ZNF219: variants seen among roughly 807,000 people sequenced by gnomAD.
ZNF219 encodes zinc finger protein 219.
ZNF219 carries 17 observed loss-of-function variants against 54.4 expected under a neutral mutation model. That is an observed-to-expected ratio of 0.31 (90% CI 0.21 to 0.47). The LOEUF is 0.47. Among genes scored for constraint, ZNF219 ranks in the 20% least tolerant of loss-of-function variants. The probability of loss-of-function intolerance (pLI) is 1.00; values close to 1 mark genes in which losing one functional copy is unlikely to be tolerated. For missense variants in ZNF219, 1,014 were observed against 1,062.3 expected, an observed-to-expected ratio of 0.95 and a Z score of 0.63; for synonymous variants, 518 against 476.4, an observed-to-expected ratio of 1.09 and a Z score of -1.14.
Position 21,092,654 on chromosome 14 carries a change from G to C in ZNF219, c.643C>G (p.Pro215Ala). 1 of 1,567,444 alleles carries C rather than the reference G, an allele frequency of 6.4e-7. No homozygotes were observed. Among genetic ancestry groups the C allele is most frequent in the Non-Finnish European group, 8.6e-7 (1 of 1,158,896 alleles). The part of the protein sequence containing the change: ...LHHSLTAHGA[P>A]ERPLAATSAA... The stretch of plus-strand genomic sequence containing the variant: ...GAGGTGGCCGCCAGGGGACGCTCGG[G>C]AGCCCCGTGGGCCGTCAGGCTGTGG... The change falls in exon 3 of 5, where the codon CCC becomes GCC. Residue 215 changes from proline (P) to alanine (A), a missense_variant. This residue lies in a region of ZNF219 where 395 missense variants were observed against 415.1 expected (regional missense o/e 0.95). Transcript: ENST00000360947.
In ZNF219 at chr14:21,092,169, C is replaced by T. The variant is rs1888958182; in HGVS notation, c.1128G>A (p.Pro376=). The T allele has an allele frequency of 2.8e-6, 4 of 1,448,366 alleles. No individual in the cohort carries two copies. Among genetic ancestry groups the T allele is most frequent in the Non-Finnish European group, 3.6e-6 (4 of 1,106,818 alleles). 89.7% of individuals were successfully genotyped at this position (1,448,366 alleles called of 1,614,324 possible). A position where few individuals can be genotyped will look rare whatever the true frequency, so the allele number is the denominator to read the frequency against. The stretch of plus-strand genomic sequence containing the variant: ...GCAGGCTCAGGTAGCCCAAGAGGCT[C>T]GGGGGCTCACGGCGCTCGGCCGGGG... ...APTPAERREP[P]SLLGYLSLRA... is the part of the protein sequence containing the mutation. Residue 376 remains proline (P), a synonymous_variant, in exon 3 of 5, where the codon CCG becomes CCA. Coordinates refer to ENST00000360947, the MANE Select transcript of ZNF219 (RefSeq NM_016423.3).
chr14:21,091,573 G>C, intron 3 of ZNF219, 31 bp from the exon 4 acceptor site: 1 of 1,580,260 alleles, frequency 6.3e-7, no homozygotes, highest in South Asian at 1.1e-5. Flanking sequence ...GGAAGTCAGG[G>C]GGGCCCACAC....
At position 21,093,630 on chromosome 14, in the gene ZNF219, G is replaced by C; in HGVS notation, c.-39C>G. 1 of 1,614,156 alleles carries C rather than the reference G, an allele frequency of 6.2e-7. No individual in the cohort carries two copies. Among genetic ancestry groups the C allele is most frequent in the Non-Finnish European group, 8.5e-7 (1 of 1,180,022 alleles). On this transcript the variant is annotated 5_prime_UTR_variant, in exon 2 of 5. Coordinates refer to ENST00000360947, the MANE Select transcript of ZNF219 (RefSeq NM_016423.3). ...ATTCTTTGGTTCTGGGAAGTGCAGG[G>C]AAGAGGAGGAAAAGCTGCTAATGAA...
chr14:21,101,502 A>C, upstream of ZNF219: 2 of 1,469,910 alleles, frequency 1.4e-6, no homozygotes, highest in Non-Finnish European at 1.9e-6. Flanking sequence ...CTTCTACCCA[A>C]TTCAATTCCA....
At chr14:21,094,331 G>A in intron 1 of ZNF219, 1 of 454,866 alleles carries the variant, frequency 2.2e-6, no homozygotes, top group Non-Finnish European at 4.4e-6. Flanking sequence ...GAGAGTTGGG[G>A]GAGGAGTGGA....
At chr14:21,103,450 C>T, upstream of ZNF219, 1 of 914,842 alleles carries the variant, frequency 1.1e-6, no homozygotes, top group East Asian at 2.8e-5. Flanking sequence ...CCCTGAAAAG[C>T]TGCTTTCTCC....
chr14:21,100,212 A>G (rs1173175545), upstream of ZNF219, among the ~76,000 whole-genome samples: 1 of 152,078 alleles, frequency 6.6e-6, no homozygotes, highest in African/African-American at 2.4e-5. Flanking sequence ...CAAAAAATTT[A>G]AAAATTAGCC....
At position 21,093,108 on chromosome 14, in the gene ZNF219, C is replaced by T. The variant is rs757778184; in HGVS notation, c.189G>A (p.Gly63=). 8 of 1,608,812 alleles carry T rather than the reference C, an allele frequency of 5.0e-6. No individual in the cohort carries two copies. The highest frequency in any genetic ancestry group is 5.9e-6 in the Non-Finnish European group (7 of 1,178,754). The part of the protein sequence containing the change: ...GERRFPCPVC[G]KRFRFNSILA... ...GGATAGAGTTGAAGCGGAAGCGCTT[C>T]CCGCATACAGGGCAGGGGAAGCGCC... The change falls in exon 3 of 5, where the codon GGG becomes GGA. Residue 63 remains glycine, a synonymous_variant. Transcript: ENST00000360947.
chr14:21,095,320 A>G (rs979698559), intron 1 of ZNF219, among the ~76,000 whole-genome samples: 1 of 152,232 alleles, frequency 6.6e-6, no homozygotes, highest in Non-Finnish European at 1.5e-5. Context: ...CATCCTCTGG[A>G]TCCTTTCCTG....
Position 21,091,065 on chromosome 14 carries a change from C to T in ZNF219, c.1640G>A (p.Arg547His), listed in dbSNP as rs1341434607. 2.6e-6 allele frequency: 4 copies of T among 1,565,512 alleles called. No individual in the cohort carries two copies. Among genetic ancestry groups the T allele is most frequent in the East Asian group, 2.4e-5 (1 of 42,550 alleles). Reference sequence around the variant, plus strand: ...CCCGCTCCTCTGCTCCCGGTGGTGGCGCTGTAGGTGATACTTGAGCGAGCC... The same window carrying T: ...CCCGCTCCTCTGCTCCCGGTGGTGGTGCTGTAGGTGATACTTGAGCGAGCC... ...QSGSLKYHLQ[R>H]HHREQRSGAG... The change falls in exon 5 of 5, where the codon CGC becomes CAC. Residue 547 changes from arginine (R) to histidine (H), a missense_variant. Physicochemically the swap from Arg to His is conservative, Grantham distance 29. Around this residue, in one of 5 missense-constraint regions of ZNF219, gnomAD observed 281 missense variants for 271.2 expected, o/e 1.04. Transcript: ENST00000360947.
intron 1 of ZNF219, among the ~76,000 whole-genome samples, chr14:21,094,731 G>T (rs1046009615): frequency 2.4e-5 from 2 of 82,504 alleles, no homozygotes; most frequent in Non-Finnish European, 2.7e-5. Flanking sequence ...GGGGTTGGGG[G>T]GGGGGGCGGG....
chr14:21,093,593 G>C lies in ZNF219; in HGVS notation c.-2C>G, dbSNP rs764659972. ...AGCCAGAGCTTCACTCACCTCCATG[G>C]ACCCCCTTCACATTCTTTGGTTCTG... On this transcript the variant is annotated 5_prime_UTR_variant, in exon 2 of 5. Transcript: ENST00000360947. 1.2e-6 allele frequency: 2 copies of C among 1,614,100 alleles called. No homozygotes were observed. The highest frequency in any genetic ancestry group is 1.7e-6 in the Non-Finnish European group (2 of 1,179,968).
upstream of ZNF219, chr14:21,102,729 A>G (rs765876910): frequency 2.8e-4 from 428 of 1,551,320 alleles, no homozygotes; most frequent in Non-Finnish European, 3.3e-4. Context: ...GAGCCAGAGG[A>G]AACCAGGATG....
At position 21,091,770 on chromosome 14, in the gene ZNF219, C is replaced by T. The variant is rs1241553620; in HGVS notation, c.1432+95G>A. 7.5e-6 allele frequency: 11 copies of T among 1,464,728 alleles called. No individual in the cohort carries two copies. The Admixed American group carries it at 1.3e-4, about 17-fold the overall frequency. 90.7% of individuals were successfully genotyped at this position (1,464,728 alleles called of 1,614,324 possible). ...ACAAAAAAACTCAGGAGAAATTAAA[C>T]GTAAGTTCTTTTAACAAGGAAGCTA... On this transcript the variant is annotated intron_variant, in intron 3 of 4. Coordinates refer to ENST00000360947, the MANE Select transcript of ZNF219 (RefSeq NM_016423.3).
In ZNF219 at chr14:21,092,389, G is replaced by A; in HGVS notation, c.908C>T (p.Ala303Val). The A allele has an allele frequency of 6.4e-7, 1 of 1,573,190 alleles. No individual in the cohort carries two copies. The highest frequency in any genetic ancestry group is 8.6e-7 in the Non-Finnish European group (1 of 1,159,756). Reference sequence around the variant, plus strand: ...GAAGCAGCGGCCGCACACCGGACACGCATGATCGAAGGAGGCCTTGTGCTT... The same window carrying A: ...GAAGCAGCGGCCGCACACCGGACACACATGATCGAAGGAGGCCTTGTGCTT... ...MRKHKASFDH[A>V]CPVCGRCFKE... The change falls in exon 3 of 5, where the codon GCG becomes GTG. Residue 303 changes from alanine to valine, a missense_variant. Ala to Val is a moderately conservative substitution (Grantham distance 64, BLOSUM62 0). This residue lies in a region of ZNF219 where 28 missense variants were observed against 59.8 expected (regional missense o/e 0.47). Transcript: ENST00000360947.
intron 1 of ZNF219, among the ~76,000 whole-genome samples, chr14:21,097,846 C>T (rs944602837): frequency 6.6e-6 from 1 of 151,334 alleles, no homozygotes; most frequent in South Asian, 2.1e-4. Flanking sequence ...CCCGTGCTTC[C>T]AGAGAGTTTG....
At position 21,091,199 on chromosome 14, in the gene ZNF219, A is replaced by AG; in HGVS notation, c.1565-60_1565-59insC. The AG allele has an allele frequency of 2.0e-6, 3 of 1,536,036 alleles. No homozygotes were observed. The South Asian group carries it at 3.6e-5, about 19-fold the overall frequency. On this transcript the variant is annotated intron_variant, in intron 4 of 4. Coordinates refer to ENST00000360947, the MANE Select transcript of ZNF219 (RefSeq NM_016423.3). The stretch of plus-strand genomic sequence containing the variant: ...CACGATGACTGCACGCACCCACCCG[A>AG]ATTTCGCCCAATTTACAGACCTCAT...
upstream of ZNF219, chr14:21,103,054 T>C (rs929688055): frequency 3.2e-6 from 5 of 1,544,278 alleles, no homozygotes; most frequent in African/African-American, 1.4e-5. Context: ...GGATAGAAAA[T>C]TGGGCAGGAG....
upstream of ZNF219, chr14:21,101,929 C>A: frequency 6.4e-7 from 1 of 1,551,646 alleles, no homozygotes; most frequent in South Asian, 1.2e-5. Flanking sequence ...TGCCTGAACT[C>A]TGATTGTCAC....
Sources: allele counts gnomAD v4.1 joint callset (sites outside exome capture counted in the v4.1 genomes callset), GRCh38; gene constraint gnomAD v4.1.1; regional missense constraint gnomAD v4.1.1; transcripts MANE v1.5; gene names NCBI Gene and HGNC (gene_info 2026-07-23, HGNC 2026-07-21).